Variants in NHLRC1 observed in about 807,000 individuals in gnomAD.
NHLRC1 encodes NHL repeat containing E3 ubiquitin protein ligase 1.
Under a neutral mutation model 14.6 loss-of-function variants are expected in NHLRC1, and 10 were observed. That is an observed-to-expected ratio of 0.69 (90% CI 0.42 to 1.17). NHLRC1 has a LOEUF of 1.17. Among genes scored for constraint, NHLRC1 ranks in the 50% most tolerant of loss-of-function variants. The pLI is 0.00. For synonymous variants in NHLRC1, 231 were observed against 224.0 expected (o/e 1.03, Z -0.28); for missense variants, 526 against 522.9 (o/e 1.01, Z -0.06).
rs752799460 is a variant in NHLRC1, at chr6:18,121,542, C to T, written c.1065G>A (p.Pro355=). 6.8e-6 allele frequency: 11 copies of T among 1,614,128 alleles called. No individual in the cohort carries two copies. The highest frequency in any genetic ancestry group is 6.6e-5 in the South Asian group (6 of 91,076). ...AAAGACCATGAGTGACCATGGGCTTCGGTACTGGAAACTCCTCAGGTTTTC... is the reference window on the plus strand; with the variant it reads ...AAAGACCATGAGTGACCATGGGCTTTGGTACTGGAAACTCCTCAGGTTTTC... ...CLGKPEEFPV[P]KPMVTHGLSH... The change falls in exon 1 of 1, where the codon CCG becomes CCA. Residue 355 remains proline (P), a synonymous_variant. Coordinates refer to ENST00000340650, the MANE Select transcript of NHLRC1 (RefSeq NM_198586.3). This position sits in a 1 kb window ranked among gnomAD's most constrained non-coding sequence, Gnocchi z 4.7.
rs750770846 is a variant in NHLRC1 at position 18,121,421 on chromosome 6, A to AC, written c.1185dup (p.Ter396ValfsTer37). 1.2e-6 allele frequency: 2 copies of AC among 1,612,356 alleles called. No homozygotes were observed. Among genetic ancestry groups the AC allele is most frequent in the East Asian group, 2.2e-5 (1 of 44,850 alleles). On this transcript the variant is annotated frameshift_variant, in exon 1 of 1. Transcript: ENST00000340650. LOFTEE classifies it high-confidence loss of function. This position sits in a 1 kb window ranked among gnomAD's most constrained non-coding sequence, Gnocchi z 4.7. The stretch of plus-strand genomic sequence containing the variant: ...TTCCAGGGACCCACCCCAGCCCATC[A>AC]CCCCCAGTCAACTTTATAGACTTTT...
At position 18,120,532 on chromosome 6, in the gene NHLRC1, A is replaced by T. The variant is rs1282304345; in HGVS notation, c.*887T>A. The T allele has an allele frequency of 6.6e-6, 1 of 152,238 alleles. No individual in the cohort carries two copies. The highest frequency in any genetic ancestry group is 1.5e-5 in the Non-Finnish European group (1 of 68,048). 9.4% of individuals were successfully genotyped at this position (152,238 alleles called of 1,614,324 possible). ...AGCAGTTCAATTGTTTTTCTTATTC[A>T]CGTAACTCAGGATCAACAGTAACTT... is the stretch of plus-strand genomic sequence containing the variant. On this transcript the variant is annotated 3_prime_UTR_variant, in exon 1 of 1. Coordinates refer to ENST00000340650, the MANE Select transcript of NHLRC1 (RefSeq NM_198586.3).
Position 18,122,194 on chromosome 6 carries a change from G to A in NHLRC1, c.413C>T (p.Thr138Met). The change falls in exon 1 of 1, where the codon ACG becomes ATG. Residue 138 changes from threonine to methionine, a missense_variant. By Grantham distance (81) the Thr-to-Met change is moderately conservative. Coordinates refer to ENST00000340650, the MANE Select transcript of NHLRC1 (RefSeq NM_198586.3). ...NPTGLALCPK[T>M]GRVVVVHDGR... The stretch of plus-strand genomic sequence containing the variant: ...GTCGTGCACCACCACGACACGCCCC[G>A]TCTTGGGACAAAGCGCCAGTCCGGT... 1 of 1,613,564 alleles carries A rather than the reference G, an allele frequency of 6.2e-7. No individual in the cohort carries two copies. Among genetic ancestry groups the A allele is most frequent in the Non-Finnish European group, 8.5e-7 (1 of 1,180,022 alleles).
chr6:18,122,594 C>T lies in NHLRC1; in HGVS notation c.13G>A (p.Ala5Thr). The part of the protein sequence containing the change: MAAE[A>T]SESGPALHEL... ...TGCAGCGCTGGCCCGCTCTCCGAGG[C>T]TTCGGCCGCCATGGCGCGTCCTGTG... Residue 5 changes from alanine (A) to threonine (T), a missense_variant, in exon 1 of 1, where the codon GCC (alanine) becomes ACC (threonine). Transcript: ENST00000340650. 1 of 1,593,790 alleles carries T rather than the reference C, an allele frequency of 6.3e-7. No individual in the cohort carries two copies. Among genetic ancestry groups the T allele is most frequent in the Non-Finnish European group, 8.5e-7 (1 of 1,178,562 alleles).
In NHLRC1 at chr6:18,120,559, A is replaced by T. The variant is rs889441799; in HGVS notation, c.*860T>A. 1.3e-5 allele frequency: 2 copies of T among 152,242 alleles called. No individual in the cohort carries two copies. Among genetic ancestry groups the T allele is most frequent in the Non-Finnish European group, 2.9e-5 (2 of 68,052 alleles). The allele number at this position is 152,242 out of a possible 1,614,324, so 9.4% of individuals were successfully genotyped here. A position where few individuals can be genotyped will look rare whatever the true frequency, so the allele number is the denominator to read the frequency against. On this transcript the variant is annotated 3_prime_UTR_variant, in exon 1 of 1. Coordinates refer to ENST00000340650, the MANE Select transcript of NHLRC1 (RefSeq NM_198586.3). Reference sequence around the variant, plus strand: ...GTAACTCAGGATCAACAGTAACTTCATCTAATGTGCCATCAGAGCAGTCGC... The same window carrying T: ...GTAACTCAGGATCAACAGTAACTTCTTCTAATGTGCCATCAGAGCAGTCGC...
In NHLRC1 at chr6:18,122,429, G is replaced by A. The variant is rs539307365; in HGVS notation, c.178C>T (p.His60Tyr). The A allele has an allele frequency of 3.0e-5, 48 of 1,591,452 alleles. No individual in the cohort carries two copies. In the African/African-American group the frequency reaches 5.9e-4, roughly 19 times the overall value. Residue 60 changes from histidine to tyrosine, a missense_variant, in exon 1 of 1, where the codon CAC becomes TAC. Transcript: ENST00000340650. Reference protein sequence around the residue: ...VCLACVAALAHPRTLALECPF... With the variant: ...VCLACVAALAYPRTLALECPF... Reference sequence around the variant, plus strand: ...CACTCGAGGGCCAGAGTGCGCGGGTGCGCCAGGGCGGCCACGCAGGCCAGG... The same window carrying A: ...CACTCGAGGGCCAGAGTGCGCGGGTACGCCAGGGCGGCCACGCAGGCCAGG...
At position 18,121,931 on chromosome 6, in the gene NHLRC1, GA is replaced by G; in HGVS notation, c.675del (p.Gln226ArgfsTer6). ...GCATCAGTTACCACAATCCCATTCTGAGGGGTGGTCTCCACACCCCAAGGTA... is the reference window on the plus strand; with the variant it reads ...GCATCAGTTACCACAATCCCATTCTGGGGGTGGTCTCCACACCCCAAGGTA... ...FSLPWGVETT[P>X]QNGIVVTDAE... On this transcript the variant is annotated frameshift_variant, in exon 1 of 1. Coordinates refer to ENST00000340650, the MANE Select transcript of NHLRC1 (RefSeq NM_198586.3). LOFTEE classifies it high-confidence loss of function. The surrounding 1 kb of genome is among the most constrained non-coding windows in gnomAD (Gnocchi z 4.7). 7 of 1,614,214 alleles carry G rather than the reference GA, an allele frequency of 4.3e-6. No individual in the cohort carries two copies. The highest frequency in any genetic ancestry group is 5.9e-6 in the Non-Finnish European group (7 of 1,180,040).
rs1783749311 is a variant in NHLRC1 at position 18,122,192 on chromosome 6, C to T, written c.415G>A (p.Gly139Arg). Reference sequence around the variant, plus strand: ...CCGTCGTGCACCACCACGACACGCCCCGTCTTGGGACAAAGCGCCAGTCCG... The same window carrying T: ...CCGTCGTGCACCACCACGACACGCCTCGTCTTGGGACAAAGCGCCAGTCCG... Reference protein sequence around the residue: ...PTGLALCPKTGRVVVVHDGRR... With the variant: ...PTGLALCPKTRRVVVVHDGRR... Residue 139 changes from glycine (G) to arginine (R), a missense_variant, in exon 1 of 1, where the codon GGG (glycine) becomes AGG (arginine). Physicochemically the swap from Gly to Arg is moderately radical, Grantham distance 125 (BLOSUM62 -2). Transcript: ENST00000340650. The T allele has an allele frequency of 4.3e-6, 7 of 1,613,572 alleles. No homozygotes were observed. The highest frequency in any genetic ancestry group is 5.9e-6 in the Non-Finnish European group (7 of 1,180,036).
chr6:18,122,090 C>T lies in NHLRC1; in HGVS notation c.517G>A (p.Asp173Asn), dbSNP rs1427130664. The change falls in exon 1 of 1, where the codon GAC becomes AAC. Residue 173 changes from aspartate to asparagine, a missense_variant. Asp to Asn is a conservative substitution (Grantham distance 23). Transcript: ENST00000340650. ...GTGACATCCACAGGGTACCTAATGT[C>T]TTGGGCAGCGTCCCCCTTCTCTCCA... ...QFGEKGDAAQ[D>N]IRYPVDVTIT... is the part of the protein sequence containing the mutation. The T allele has an allele frequency of 6.2e-7, 1 of 1,614,006 alleles. No individual in the cohort carries two copies. Among genetic ancestry groups the T allele is most frequent in the African/African-American group, 1.3e-5 (1 of 74,946 alleles).
rs1406153056 is a variant in NHLRC1, at chr6:18,122,537, G to A, written c.70C>T (p.Leu24Phe). 1.3e-6 allele frequency: 2 copies of A among 1,597,542 alleles called. No individual in the cohort carries two copies. Among genetic ancestry groups the A allele is most frequent in the Middle Eastern group, 1.7e-4 (1 of 5,902 alleles). The change falls in exon 1 of 1, where the codon CTC (leucine) becomes TTC (phenylalanine). Residue 24 changes from leucine to phenylalanine, a missense_variant. Physicochemically the swap from Leu to Phe is conservative, Grantham distance 22. Transcript: ENST00000340650. ...TTCTCAAAGCACACCTTGCACTCGA[G>A]CAGGCTGATCTCCGCCTCGCGCATG... Reference protein sequence around the residue: ...ELMREAEISLLECKVCFEKFG... With the variant: ...ELMREAEISLFECKVCFEKFG...
Position 18,122,597 on chromosome 6 carries a change from C to T in NHLRC1, c.10G>A (p.Glu4Lys), listed in dbSNP as rs753367864. 2.5e-6 allele frequency: 4 copies of T among 1,593,306 alleles called. No individual in the cohort carries two copies. Among genetic ancestry groups the T allele is most frequent in the Non-Finnish European group, 3.4e-6 (4 of 1,178,348 alleles). MAA[E>K]ASESGPALHE... ...AGCGCTGGCCCGCTCTCCGAGGCTTCGGCCGCCATGGCGCGTCCTGTGCAC... is the reference window on the plus strand; with the variant it reads ...AGCGCTGGCCCGCTCTCCGAGGCTTTGGCCGCCATGGCGCGTCCTGTGCAC... The change falls in exon 1 of 1, where the codon GAA (glutamate) becomes AAA (lysine). Residue 4 changes from glutamate (E) to lysine (K), a missense_variant. Glu to Lys is a moderately conservative substitution (Grantham distance 56). Coordinates refer to ENST00000340650, the MANE Select transcript of NHLRC1 (RefSeq NM_198586.3).
At position 18,121,319 on chromosome 6, in the gene NHLRC1, T is replaced by A. The variant is rs1783728298; in HGVS notation, c.*100A>T. 2.3e-6 allele frequency: 2 copies of A among 860,058 alleles called. No individual in the cohort carries two copies. Among genetic ancestry groups the A allele is most frequent in the South Asian group, 3.0e-5 (2 of 67,392 alleles). The allele number at this position is 860,058 out of a possible 1,614,324, so 53.3% of individuals were successfully genotyped here. ...TAAGTCTGCCAGATGGTTTTAATTATCCCTGCCTGGATAGATGAGTTTAAG... is the reference window on the plus strand; with the variant it reads ...TAAGTCTGCCAGATGGTTTTAATTAACCCTGCCTGGATAGATGAGTTTAAG... On this transcript the variant is annotated 3_prime_UTR_variant, in exon 1 of 1. Coordinates refer to ENST00000340650, the MANE Select transcript of NHLRC1 (RefSeq NM_198586.3). This position sits in a 1 kb window ranked among gnomAD's most constrained non-coding sequence, Gnocchi z 4.7.
rs1237948651 is a variant in NHLRC1 at position 18,122,452 on chromosome 6, A to G, written c.155T>C (p.Leu52Pro). The stretch of plus-strand genomic sequence containing the variant: ...GTGCGCCAGGGCGGCCACGCAGGCC[A>G]GGCAGACCACGTGGCCGCAGGACAG... ...RNLSCGHVVC[L>P]ACVAALAHPR... is the part of the protein sequence containing the mutation. The change falls in exon 1 of 1, where the codon CTG (leucine) becomes CCG (proline). Residue 52 changes from leucine (L) to proline (P), a missense_variant. Leu to Pro is a moderately conservative substitution (Grantham distance 98, BLOSUM62 -3). Coordinates refer to ENST00000340650, the MANE Select transcript of NHLRC1 (RefSeq NM_198586.3). The G allele has an allele frequency of 6.3e-7, 1 of 1,595,338 alleles. No individual in the cohort carries two copies. The highest frequency in any genetic ancestry group is 8.5e-7 in the Non-Finnish European group (1 of 1,178,630).
Position 18,122,579 on chromosome 6 carries a change from G to A in NHLRC1, c.28C>T (p.Pro10Ser), listed in dbSNP as rs1239551221. 1 of 1,596,560 alleles carries A rather than the reference G, an allele frequency of 6.3e-7. No individual in the cohort carries two copies. The highest frequency in any genetic ancestry group is 8.5e-7 in the Non-Finnish European group (1 of 1,179,406). MAAEASESGPALHELMREAE... is the reference protein window; with the variant it reads MAAEASESGSALHELMREAE... ...TCGCGCATGAGCTCATGCAGCGCTG[G>A]CCCGCTCTCCGAGGCTTCGGCCGCC... The change falls in exon 1 of 1, where the codon CCA (proline) becomes TCA (serine). Residue 10 changes from proline to serine, a missense_variant. Pro to Ser is a moderately conservative substitution (Grantham distance 74, BLOSUM62 -1). Transcript: ENST00000340650.
rs1190324757 is a variant in NHLRC1, at chr6:18,122,409, G to C, written c.198C>G (p.Leu66=). The change falls in exon 1 of 1, where the codon CTC becomes CTG. Residue 66 remains leucine, a synonymous_variant. Coordinates refer to ENST00000340650, the MANE Select transcript of NHLRC1 (RefSeq NM_198586.3). ...AAGCTCGCCTGCAGAATGGGCACTC[G>C]AGGGCCAGAGTGCGCGGGTGCGCCA... ...AALAHPRTLA[L]ECPFCRRACR... 1 of 1,587,240 alleles carries C rather than the reference G, an allele frequency of 6.3e-7. No individual in the cohort carries two copies. Among genetic ancestry groups the C allele is most frequent in the Admixed American group, 1.7e-5 (1 of 57,950 alleles).
rs182779486 is a variant in NHLRC1, at chr6:18,121,171, G to A, written c.*248C>T. 2.8e-5 allele frequency: 14 copies of A among 506,128 alleles called. No homozygotes were observed. The highest frequency in any genetic ancestry group is 1.7e-4 in the African/African-American group (9 of 51,870). 31.4% of individuals were successfully genotyped at this position (506,128 alleles called of 1,614,324 possible). A position where few individuals can be genotyped will look rare whatever the true frequency, so the allele number is the denominator to read the frequency against. On this transcript the variant is annotated 3_prime_UTR_variant, in exon 1 of 1. Coordinates refer to ENST00000340650, the MANE Select transcript of NHLRC1 (RefSeq NM_198586.3). This position sits in a 1 kb window ranked among gnomAD's most constrained non-coding sequence, Gnocchi z 4.7. The stretch of plus-strand genomic sequence containing the variant: ...GGTGACAGAGCTTGACTCTATCTTG[G>A]GGGGGAAGAAATTACCTCACTGGAT...
chr6:18,122,189 G>A lies in NHLRC1; in HGVS notation c.418C>T (p.Arg140Cys), dbSNP rs148035405. ...TGLALCPKTG[R>C]VVVVHDGRRR... ...CTGCCGTCGTGCACCACCACGACAC[G>A]CCCCGTCTTGGGACAAAGCGCCAGT... Residue 140 changes from arginine (R) to cysteine (C), a missense_variant, in exon 1 of 1, where the codon CGT (arginine) becomes TGT (cysteine). Coordinates refer to ENST00000340650, the MANE Select transcript of NHLRC1 (RefSeq NM_198586.3). 1.1e-5 allele frequency: 18 copies of A among 1,613,468 alleles called. No individual in the cohort carries two copies. The highest frequency in any genetic ancestry group is 1.5e-5 in the Non-Finnish European group (18 of 1,180,022).
rs766225081 is a variant in NHLRC1, at chr6:18,121,423, C to T, written c.1184G>A (p.Gly395Glu). 1.5e-5 allele frequency: 25 copies of T among 1,612,920 alleles called. No homozygotes were observed. Among genetic ancestry groups the T allele is most frequent in the Non-Finnish European group, 1.9e-5 (22 of 1,179,064 alleles). ...CCAGGGACCCACCCCAGCCCATCAC[C>T]CCCAGTCAACTTTATAGACTTTTAT... ...HSIKVYKVDW[G>E] Residue 395 changes from glycine (G) to glutamate (E), a missense_variant, in exon 1 of 1, where the codon GGG (glycine) becomes GAG (glutamate). Physicochemically the swap from Gly to Glu is moderately conservative, Grantham distance 98 (BLOSUM62 -2). Coordinates refer to ENST00000340650, the MANE Select transcript of NHLRC1 (RefSeq NM_198586.3). The surrounding 1 kb of genome is among the most constrained non-coding windows in gnomAD (Gnocchi z 4.7).
Position 18,121,430 on chromosome 6 carries a change from C to G in NHLRC1, c.1177G>C (p.Asp393His). 1 of 1,613,862 alleles carries G rather than the reference C, an allele frequency of 6.2e-7. No homozygotes were observed. Among genetic ancestry groups the G allele is most frequent in the Non-Finnish European group, 8.5e-7 (1 of 1,179,816 alleles). Residue 393 changes from aspartate to histidine, a missense_variant, in exon 1 of 1, where the codon GAC becomes CAC. Coordinates refer to ENST00000340650, the MANE Select transcript of NHLRC1 (RefSeq NM_198586.3). The surrounding 1 kb of genome is among the most constrained non-coding windows in gnomAD (Gnocchi z 4.7). ...CCCACCCCAGCCCATCACCCCCAGTCAACTTTATAGACTTTTATAGAATGA... is the reference window on the plus strand; with the variant it reads ...CCCACCCCAGCCCATCACCCCCAGTGAACTTTATAGACTTTTATAGAATGA... The part of the protein sequence containing the change: ...ASHSIKVYKV[D>H]WG
Sources: gnomAD v4.1 joint callset for allele counts on GRCh38, gnomAD v4.1.1 for gene constraint, Gnocchi (gnomAD v3.1) non-coding constraint, MANE v1.5 for transcripts, NCBI Gene and HGNC (gene_info 2026-07-23, HGNC 2026-07-21) for gene names.